Variants in FOXP2 observed in about 807,000 individuals in gnomAD.
The protein encoded by FOXP2 is forkhead box protein P2.
In FOXP2, 12 loss-of-function variants were observed where a neutral mutation model predicts 115.8. That is an observed-to-expected ratio of 0.10 (90% CI 0.07 to 0.17). The LOEUF (loss-of-function observed/expected upper bound fraction) is 0.17, where lower values mean the gene tolerates loss of function less well. Among genes scored for constraint, FOXP2 ranks in the 10% least tolerant of loss-of-function variants. The pLI, the probability that FOXP2 is intolerant of heterozygous loss-of-function variation, is 1.00. For synonymous variants in FOXP2, 328 were observed against 297.7 expected, an observed-to-expected ratio of 1.10 and a Z score of -1.05; for missense variants, 629 against 843.5, an observed-to-expected ratio of 0.75 and a Z score of 3.15.
chr7:114,194,970 C>A (rs992714351), intron 1 of FOXP2, among the ~76,000 whole-genome samples: 6 of 152,024 alleles, frequency 3.9e-5, no homozygotes, highest in African/African-American at 1.4e-4. Context: ...TAATGTATAT[C>A]ATTTTTAATA....
At chr7:114,154,027 G>A (rs1792593577) in intron 1 of FOXP2, among the ~76,000 whole-genome samples, 1 of 152,108 alleles carries the variant, frequency 6.6e-6, no homozygotes, top group Non-Finnish European at 1.5e-5. Context: ...GTTGACAGGA[G>A]CTAAAATTCA....
intron 16 of FOXP2, chr7:114,669,893 G>C (rs971208730): frequency 8.6e-5 from 13 of 151,942 alleles, no homozygotes; most frequent in African/African-American, 3.1e-4. Flanking sequence ...GTTCAGATTT[G>C]CTGTTCTTCC....
intron 3 of FOXP2, among the ~76,000 whole-genome samples, chr7:114,549,764 GC>G (rs1223094358): frequency 6.6e-5 from 10 of 151,290 alleles, no homozygotes; most frequent in African/African-American, 2.0e-4. Flanking sequence ...TGGAATTTGT[GC>G]CATTGGATTT....
chr7:114,464,457 G>C (rs1230600969), intron 2 of FOXP2, among the ~76,000 whole-genome samples: 4 of 152,194 alleles, frequency 2.6e-5, no homozygotes, highest in African/African-American at 7.2e-5. Context: ...CGTGTTGTAG[G>C]TTGTCTGTAT....
chr7:114,560,793 C>T (rs1029330816), intron 3 of FOXP2, among the ~76,000 whole-genome samples: 1 of 152,044 alleles, frequency 6.6e-6, no homozygotes. Flanking sequence ...ACATTTAATC[C>T]TAATTTTGAC....
At chr7:114,535,340 G>T (rs549604838) in intron 3 of FOXP2, among the ~76,000 whole-genome samples, 15 of 150,106 alleles carry the variant, frequency 1.0e-4, no homozygotes, top group Admixed American at 4.0e-4. Flanking sequence ...TTTTCTTGGT[G>T]GGGGGGGAAA....
chr7:114,574,169 A>C (rs1451168680), intron 3 of FOXP2, among the ~76,000 whole-genome samples: 1 of 151,758 alleles, frequency 6.6e-6, no homozygotes, highest in Non-Finnish European at 1.5e-5. Context: ...TTTATGTGAA[A>C]ATTGTGATTC....
intron 2 of FOXP2, among the ~76,000 whole-genome samples, chr7:114,318,659 T>A (rs993624633): frequency 4.0e-5 from 6 of 151,622 alleles, no homozygotes; most frequent in Non-Finnish European, 5.9e-5. Flanking sequence ...TACACTGTCA[T>A]CACCATATTT....
intron 1 of FOXP2, among the ~76,000 whole-genome samples, chr7:114,264,285 A>ACAAAGTT (rs1023469477): frequency 6.6e-6 from 1 of 152,070 alleles, no homozygotes; most frequent in Non-Finnish European, 1.5e-5. Flanking sequence ...CAGTAAGTAC[A>ACAAAGTT]GATACAGGTC....
At chr7:114,312,048 T>TTTA in intron 2 of FOXP2, among the ~76,000 whole-genome samples, 1 of 152,206 alleles carries the variant, frequency 6.6e-6, no homozygotes, top group South Asian at 2.1e-4. Context: ...TGGCCCAGTC[T>TTTA]TTATTATTAT....
chr7:114,334,929 A>T (rs1797806937), intron 2 of FOXP2, among the ~76,000 whole-genome samples: 2 of 108,774 alleles, frequency 1.8e-5, no homozygotes, highest in African/African-American at 3.6e-5. Flanking sequence ...ATATATAGAA[A>T]TCTATATATA....
intron 2 of FOXP2, among the ~76,000 whole-genome samples, chr7:114,467,744 T>C (rs1007112146): frequency 1.3e-5 from 2 of 152,156 alleles, no homozygotes; most frequent in African/African-American, 4.8e-5. Context: ...AAGGAATTTA[T>C]GAATAGAAGA....
intron 1 of FOXP2, among the ~76,000 whole-genome samples, chr7:114,268,091 A>G (rs1795942349): frequency 6.6e-6 from 1 of 152,212 alleles, no homozygotes; most frequent in African/African-American, 2.4e-5. Flanking sequence ...TTTACTCAGC[A>G]TAATGTCTTC....
At chr7:114,426,374 C>A in intron 1 of FOXP2, 128 bp from the exon 2 acceptor site, 1 of 801,514 alleles carries the variant, frequency 1.2e-6, no homozygotes, top group Non-Finnish European at 2.1e-6. Context: ...TGGTAAATGA[C>A]TATTCAAGGC....
At chr7:114,479,438 C>T (rs1253598805) in intron 2 of FOXP2, among the ~76,000 whole-genome samples, 2 of 150,604 alleles carry the variant, frequency 1.3e-5, no homozygotes, top group Non-Finnish European at 3.0e-5. Flanking sequence ...ATTTACCTGG[C>T]AACTACACAC....
At chr7:114,422,967 G>C (rs1793683067) in intron 1 of FOXP2, among the ~76,000 whole-genome samples, 1 of 151,656 alleles carries the variant, frequency 6.6e-6, no homozygotes, top group Admixed American at 6.6e-5. Context: ...ACTACATCTT[G>C]ATGCAAAATA....
At chr7:114,610,654 C>T (rs547699216) in intron 3 of FOXP2, among the ~76,000 whole-genome samples, 10 of 151,770 alleles carry the variant, frequency 6.6e-5, no homozygotes, top group African/African-American at 2.4e-4. Flanking sequence ...CCAGTAACTG[C>T]TAAGAGGTTT....
chr7:114,427,734 C>T (rs1005554749), intron 2 of FOXP2, among the ~76,000 whole-genome samples: 2 of 151,050 alleles, frequency 1.3e-5, no homozygotes, highest in African/African-American at 4.9e-5. Flanking sequence ...AAGCAAATGC[C>T]CACACTAGAG....
intron 3 of FOXP2, among the ~76,000 whole-genome samples, chr7:114,591,684 C>A (rs1431817837): frequency 6.6e-6 from 1 of 151,978 alleles, no homozygotes; most frequent in Admixed American, 6.6e-5. Context: ...GTAACCATTT[C>A]CAGTCTGATT....
Sources: gnomAD v4.1 joint callset for allele counts (sites outside exome capture counted in the v4.1 genomes callset) on GRCh38, gnomAD v4.1.1 for gene constraint, MANE v1.5 for transcripts, NCBI Gene and HGNC (gene_info 2026-07-23, HGNC 2026-07-21) for gene names.